PPT2: variants seen among roughly 807,000 people sequenced by gnomAD.
The protein encoded by PPT2 is lysosomal thioesterase PPT2.
In PPT2, 20 loss-of-function variants were observed where a neutral mutation model predicts 37.3. That is an observed-to-expected ratio of 0.54 (90% confidence interval 0.38 to 0.78). The LOEUF (loss-of-function observed/expected upper bound fraction) is 0.78, where lower values mean the gene tolerates loss of function less well. PPT2 is among the 30% of genes least tolerant of loss of function. The pLI is 0.00. For missense variants in PPT2, 270 were observed against 389.8 expected (o/e 0.69, Z 2.59); for synonymous variants, 135 against 159.1 (o/e 0.85, Z 1.14).
rs1003700601 is a variant in PPT2 at position 32,163,642 on chromosome 6, C to G, written c.*692C>G. ...TAACTACCTTTGAATAGGTGTTATCCCTGTATTTATGGAAATAAAGTTCCA... is the reference window on the plus strand; with the variant it reads ...TAACTACCTTTGAATAGGTGTTATCGCTGTATTTATGGAAATAAAGTTCCA... On this transcript the variant is annotated 3_prime_UTR_variant, in exon 9 of 9. Coordinates refer to ENST00000324816, the MANE Select transcript of PPT2 (RefSeq NM_005155.7). 1.9e-4 allele frequency: 29 copies of G among 152,684 alleles called. No individual in the cohort carries two copies. The highest frequency in any genetic ancestry group is 6.8e-4 in the African/African-American group (28 of 41,436). The allele number at this position is 152,684 out of a possible 1,614,324, so 9.5% of individuals were successfully genotyped here. A position where few individuals can be genotyped will look rare whatever the true frequency, so the allele number is the denominator to read the frequency against.
intron 7 of PPT2, among the ~76,000 whole-genome samples, chr6:32,160,971 G>C (rs2127395290): frequency 6.9e-6 from 1 of 145,638 alleles, no homozygotes; most frequent in African/African-American, 2.5e-5. Flanking sequence ...CTGGGTGACA[G>C]AGTAAGACCC....
At chr6:32,154,065 G>A, upstream of PPT2, 1 of 1,100,750 alleles carries the variant, frequency 9.1e-7, no homozygotes, top group Non-Finnish European at 1.1e-6. This position sits in a 1 kb window ranked among gnomAD's most constrained non-coding sequence, Gnocchi z 7.3. Flanking sequence ...GGGAACGCTC[G>A]CGCGGTTGCC....
Position 32,155,302 on chromosome 6 carries a change from C to A in PPT2, c.337+119C>A. 3 of 1,209,570 alleles carry A rather than the reference C, an allele frequency of 2.5e-6. 1 individual carries two copies. The South Asian group carries it at 4.3e-5, about 17-fold the overall frequency. The allele number at this position is 1,209,570 out of a possible 1,614,324, so 74.9% of individuals were successfully genotyped here. ...ATTGCTCCAGGCACAACCCTGGTAC[C>A]TGAGCCCTTCCTTTCTGACTTCCCT... On this transcript the variant is annotated intron_variant, in intron 3 of 8. Transcript: ENST00000324816. This position sits in a 1 kb window ranked among gnomAD's most constrained non-coding sequence, Gnocchi z 4.3.
chr6:32,154,377 T>C lies in PPT2; in HGVS notation c.-36T>C. On this transcript the variant is annotated 5_prime_UTR_variant, in exon 1 of 9. Transcript: ENST00000324816. This position sits in a 1 kb window ranked among gnomAD's most constrained non-coding sequence, Gnocchi z 7.3. ...GAGAACAAGTCCCCCGAACGCTGAG[T>C]TGGAGGCGGGACTTCGGGTGCGCGT... is the stretch of plus-strand genomic sequence containing the variant. 1.4e-6 allele frequency: 2 copies of C among 1,426,970 alleles called. No homozygotes were observed. Among genetic ancestry groups the C allele is most frequent in the East Asian group, 2.5e-5 (1 of 39,276 alleles). The allele number at this position is 1,426,970 out of a possible 1,614,324, so 88.4% of individuals were successfully genotyped here. A position where few individuals can be genotyped will look rare whatever the true frequency, so the allele number is the denominator to read the frequency against.
chr6:32,158,018 A>G, intron 7 of PPT2, 94 bp downstream of exon 7: 2 of 1,107,632 alleles, frequency 1.8e-6, no homozygotes, highest in Non-Finnish European at 2.6e-6. Context: ...TGCTCCTTCC[A>G]CTGTTCAGTT....
chr6:32,163,285 T>C lies in PPT2; in HGVS notation c.*335T>C. The C allele has an allele frequency of 3.2e-6, 1 of 313,166 alleles. No homozygotes were observed. Among genetic ancestry groups the C allele is most frequent in the Non-Finnish European group, 5.9e-6 (1 of 169,392 alleles). 19.4% of individuals were successfully genotyped at this position (313,166 alleles called of 1,614,324 possible). A position where few individuals can be genotyped will look rare whatever the true frequency, so the allele number is the denominator to read the frequency against. On this transcript the variant is annotated 3_prime_UTR_variant, in exon 9 of 9. Transcript: ENST00000324816. ...TTTGCTGCTGCTGCTCCTCCGTATC[T>C]GGCTGTATGGGTGGAGAACCCACCC... is the stretch of plus-strand genomic sequence containing the variant.
intron 7 of PPT2, among the ~76,000 whole-genome samples, chr6:32,158,880 A>C (rs750672633): frequency 1.3e-5 from 2 of 152,154 alleles, no homozygotes; most frequent in African/African-American, 2.4e-5. Flanking sequence ...GTGCACAAGG[A>C]GCTGGGGAGA....
chr6:32,159,472 A>ATATATATC lies in PPT2; in HGVS notation c.710+1549_710+1550insATATATCT, dbSNP rs1465188963. 4.7e-3 allele frequency among the ~76,000 whole-genome samples: 593 copies of ATATATATC among 127,234 alleles called. 7 individuals carry two copies. The highest frequency in any genetic ancestry group is 8.0e-3 in the African/African-American group (265 of 33,110). The allele number at this position is 127,234 out of a possible 152,430, so 83.5% of individuals were successfully genotyped here. A position where few individuals can be genotyped will look rare whatever the true frequency, so the allele number is the denominator to read the frequency against. ...AAAAAATATATATATATATATATAT[A>ATATATATC]TCCTCATCCCTATTTCCCGACAGTC... On this transcript the variant is annotated intron_variant, in intron 7 of 8. Coordinates refer to ENST00000324816, the MANE Select transcript of PPT2 (RefSeq NM_005155.7).
Position 32,155,669 on chromosome 6 carries a change from T to C in PPT2, c.338-19T>C. Reference sequence around the variant, plus strand: ...TTGCTGTCCTTAAGTGCCTGCCCAATGTGGTGTTCTGCTTACAGGGGGCCT... The same window carrying C: ...TTGCTGTCCTTAAGTGCCTGCCCAACGTGGTGTTCTGCTTACAGGGGGCCT... On this transcript the variant is annotated intron_variant, in intron 3 of 8. Transcript: ENST00000324816. This position sits in a 1 kb window ranked among gnomAD's most constrained non-coding sequence, Gnocchi z 4.3. 1 of 1,609,082 alleles carries C rather than the reference T, an allele frequency of 6.2e-7. No individual in the cohort carries two copies. The highest frequency in any genetic ancestry group is 1.3e-5 in the African/African-American group (1 of 74,734).
upstream of PPT2, chr6:32,153,609 C>CACT: frequency 1.4e-6 from 2 of 1,472,040 alleles, no homozygotes; most frequent in Non-Finnish European, 1.8e-6. The surrounding 1 kb of genome is among the most constrained non-coding windows in gnomAD (Gnocchi z 4.4). Context: ...GAGACAAGGG[C>CACT]ACTACACGCA....
chr6:32,159,454 AT>A lies in PPT2; in HGVS notation c.710+1531del, dbSNP rs1304751807. Among the ~76,000 whole-genome samples, 277 of 103,188 alleles carry A rather than the reference AT, an allele frequency of 2.7e-3. 3 individuals carry two copies. The highest frequency in any genetic ancestry group is 8.9e-3 in the African/African-American group (232 of 25,978). The allele number at this position is 103,188 out of a possible 152,430, so 67.7% of individuals were successfully genotyped here. On this transcript the variant is annotated intron_variant, in intron 7 of 8. Transcript: ENST00000324816. ...ATCTCAAAAAAAAAAAAAAAAAAAT[AT>A]ATATATATATATATATATCCTCATC... is the stretch of plus-strand genomic sequence containing the variant.
In PPT2 at chr6:32,156,954, G is replaced by A. The variant is rs1329372305; in HGVS notation, c.542-683G>A. On this transcript the variant is annotated intron_variant, in intron 5 of 8. Transcript: ENST00000324816. The surrounding 1 kb of genome is among the most constrained non-coding windows in gnomAD (Gnocchi z 4.9). Reference sequence around the variant, plus strand: ...CCAATATCTTGGCAGGGGGAGGTGGGCGCATCACCTGAGGTCGGGTTCGAG... The same window carrying A: ...CCAATATCTTGGCAGGGGGAGGTGGACGCATCACCTGAGGTCGGGTTCGAG... Among the ~76,000 whole-genome samples, 4 of 151,620 alleles carry A rather than the reference G, an allele frequency of 2.6e-5. No individual in the cohort carries two copies. Among genetic ancestry groups the A allele is most frequent in the Non-Finnish European group, 5.9e-5 (4 of 67,976 alleles).
upstream of PPT2, chr6:32,153,796 T>A: frequency 9.2e-7 from 1 of 1,081,336 alleles, no homozygotes. The surrounding 1 kb of genome is among the most constrained non-coding windows in gnomAD (Gnocchi z 4.4). Flanking sequence ...GGCCGCCCCT[T>A]GGGGAATGCA....
Position 32,155,584 on chromosome 6 carries a change from C to CTCTGTG in PPT2, c.338-103_338-102insCTGTGT, listed in dbSNP as rs1554127208. ...GTACAGTGTGTGTCTGTGTGTGTCTCTGTGTGTGTGTGTGTGTGTGTGTGT... is the reference window on the plus strand; with the variant it reads ...GTACAGTGTGTGTCTGTGTGTGTCTCTCTGTGTGTGTGTGTGTGTGTGTGTGTGTGT... On this transcript the variant is annotated intron_variant, in intron 3 of 8. Transcript: ENST00000324816. The surrounding 1 kb of genome is among the most constrained non-coding windows in gnomAD (Gnocchi z 4.3). 25 of 698,620 alleles carry CTCTGTG rather than the reference C, an allele frequency of 3.6e-5. No homozygotes were observed. The African/African-American group carries it at 4.1e-4, about 12-fold the overall frequency. 43.3% of individuals were successfully genotyped at this position (698,620 alleles called of 1,614,324 possible).
At chr6:32,161,125 C>T (rs547599902) in intron 7 of PPT2, among the ~76,000 whole-genome samples, 124 of 150,248 alleles carry the variant, frequency 8.3e-4, no homozygotes, top group Non-Finnish European at 1.5e-3. Flanking sequence ...TATTTATATA[C>T]GTTAATGTTA....
rs1783696218 is a variant in PPT2, at chr6:32,155,355, A to G, written c.337+172A>G. On this transcript the variant is annotated intron_variant, in intron 3 of 8. Coordinates refer to ENST00000324816, the MANE Select transcript of PPT2 (RefSeq NM_005155.7). This position sits in a 1 kb window ranked among gnomAD's most constrained non-coding sequence, Gnocchi z 4.3. ...GCACCTGGGTCTCATCTCTGTCTTGAATGGGAGGGAGGCTCCCTACACTGC... is the reference window on the plus strand; with the variant it reads ...GCACCTGGGTCTCATCTCTGTCTTGGATGGGAGGGAGGCTCCCTACACTGC... Among the ~76,000 whole-genome samples the G allele has an allele frequency of 6.6e-6, 1 of 151,682 alleles. No individual in the cohort carries two copies. The highest frequency in any genetic ancestry group is 2.4e-5 in the African/African-American group (1 of 41,248).
At chr6:32,153,862 A>C, upstream of PPT2, 1 of 1,091,368 alleles carries the variant, frequency 9.2e-7, no homozygotes, top group Non-Finnish European at 1.3e-6. This position sits in a 1 kb window ranked among gnomAD's most constrained non-coding sequence, Gnocchi z 4.4. Flanking sequence ...GGGAGAATCA[A>C]GGCGGGGAAA....
At chr6:32,153,981 C>T (rs1233345376), upstream of PPT2, 17 of 1,293,116 alleles carry the variant, frequency 1.3e-5, no homozygotes, top group Non-Finnish European at 1.6e-5. This position sits in a 1 kb window ranked among gnomAD's most constrained non-coding sequence, Gnocchi z 4.4. Context: ...TGGATCGCTC[C>T]GCCTGTTTCC....
At chr6:32,159,117 T>C (rs1031635794) in intron 7 of PPT2, among the ~76,000 whole-genome samples, 1 of 152,056 alleles carries the variant, frequency 6.6e-6, no homozygotes, top group Non-Finnish European at 1.5e-5. Flanking sequence ...GAACTTCTTT[T>C]TCCCCAAACT....
Sources: allele counts gnomAD v4.1 joint callset (sites outside exome capture counted in the v4.1 genomes callset), GRCh38; gene constraint gnomAD v4.1.1; non-coding constraint Gnocchi (gnomAD v3.1); transcripts MANE v1.5; gene names NCBI Gene and HGNC (gene_info 2026-07-23, HGNC 2026-07-21).